VPS41: variants seen among roughly 807,000 people sequenced by gnomAD.
VPS41 encodes vacuolar protein sorting-associated protein 41 homolog.
A neutral mutation model predicts 130.9 loss-of-function variants in VPS41; 85 were observed. The observed-to-expected ratio is 0.65, with a 90% CI of 0.55 to 0.78. The LOEUF is 0.78. Among genes scored for constraint, VPS41 ranks in the 30% least tolerant of loss-of-function variants. The pLI is 0.00. For synonymous variants in VPS41, 335 were observed against 332.9 expected, an observed-to-expected ratio of 1.01 and a Z score of -0.07; for missense variants, 874 against 1,018.7, an observed-to-expected ratio of 0.86 and a Z score of 1.93.
At chr7:38,729,629 AAG>A (rs1285559003) in intron 25 of VPS41, among the ~76,000 whole-genome samples, 1 of 152,152 alleles carries the variant, frequency 6.6e-6, no homozygotes, top group Non-Finnish European at 1.5e-5. Context: ...GGAGAATGAC[AAG>A]AGACATCACA....
intron 25 of VPS41, among the ~76,000 whole-genome samples, chr7:38,736,602 C>G (rs2115594376): frequency 6.6e-6 from 1 of 152,352 alleles, no homozygotes; most frequent in Middle Eastern, 3.4e-3. Flanking sequence ...GAATGCATCT[C>G]CAGAGACCAA....
At chr7:38,784,983 A>C (rs1784414773) in intron 10 of VPS41, among the ~76,000 whole-genome samples, 1 of 152,250 alleles carries the variant, frequency 6.6e-6, no homozygotes, top group Admixed American at 6.5e-5. Context: ...TTCTTAAAGA[A>C]ACAAACAAAA....
intron 2 of VPS41, among the ~76,000 whole-genome samples, chr7:38,892,957 C>T (rs1238128524): frequency 2.0e-5 from 3 of 152,122 alleles, no homozygotes; most frequent in East Asian, 3.9e-4. Context: ...CCGCTACTGC[C>T]TTGCCCAGGC....
At chr7:38,808,753 C>T (rs1199917086) in intron 7 of VPS41, among the ~76,000 whole-genome samples, 2 of 152,154 alleles carry the variant, frequency 1.3e-5, no homozygotes, top group Non-Finnish European at 2.9e-5. Context: ...AGAGGAACTG[C>T]TAATGTCAAA....
chr7:38,727,412 A>G (rs1795568680), intron 27 of VPS41, among the ~76,000 whole-genome samples: 1 of 152,240 alleles, frequency 6.6e-6, no homozygotes. Flanking sequence ...TTACAAGCCC[A>G]GGCTGTGGTG....
chr7:38,789,871 G>A lies in VPS41; in HGVS notation c.718-4C>T, dbSNP rs1784505450. On this transcript the variant is annotated splice_polypyrimidine_tract_variant and splice_region_variant and intron_variant, in intron 9 of 28. Transcript: ENST00000310301. ...GCCGTTCCTTCACTGAGCACACCTG[G>A]AAAATAAGTTCGCAGGTTATTTTAT... 2 of 1,613,452 alleles carry A rather than the reference G, an allele frequency of 1.2e-6. No individual in the cohort carries two copies. The highest frequency in any genetic ancestry group is 1.3e-5 in the African/African-American group (1 of 74,974).
intron 1 of VPS41, among the ~76,000 whole-genome samples, chr7:38,905,780 G>T (rs1215876417): frequency 2.6e-5 from 4 of 151,970 alleles, no homozygotes; most frequent in African/African-American, 9.7e-5. Context: ...CTCCATTTTT[G>T]GGGGTTTTTT....
intron 14 of VPS41, among the ~76,000 whole-genome samples, chr7:38,768,968 T>G (rs1403579264): frequency 6.6e-6 from 1 of 150,458 alleles, no homozygotes. Flanking sequence ...TCTCTTCCCC[T>G]TCACAGCTAA....
intron 6 of VPS41, among the ~76,000 whole-genome samples, chr7:38,820,203 C>T (rs577923254): frequency 7.2e-5 from 11 of 152,270 alleles, no homozygotes; most frequent in South Asian, 4.1e-4. Context: ...ATCTTGAACA[C>T]TCACTATCAT....
At chr7:38,750,686 T>C (rs1562571167) in intron 22 of VPS41, among the ~76,000 whole-genome samples, 2 of 152,138 alleles carry the variant, frequency 1.3e-5, no homozygotes, top group African/African-American at 4.8e-5. Flanking sequence ...CAGGGTGTCT[T>C]CCACTGAGTA....
At chr7:38,738,154 A>G (rs891937475) in intron 25 of VPS41, among the ~76,000 whole-genome samples, 3 of 152,344 alleles carry the variant, frequency 2.0e-5, no homozygotes, top group East Asian at 1.9e-4. Context: ...GAAGCAAGTT[A>G]AACATGCTTG....
chr7:38,765,577 T>A lies in VPS41; in HGVS notation c.1329+3A>T, dbSNP rs1022922573. 1 of 1,570,230 alleles carries A rather than the reference T, an allele frequency of 6.4e-7. No individual in the cohort carries two copies. ...TGAGAGTTAAAAATAAGGCTTTGCT[T>A]ACCTTAAGCTGTCCAATTTCTTTAA... On this transcript the variant is annotated splice_donor_region_variant and intron_variant, in intron 16 of 28. Transcript: ENST00000310301.
intron 1 of VPS41, among the ~76,000 whole-genome samples, chr7:38,906,553 C>T (rs1040576074): frequency 2.6e-5 from 4 of 151,828 alleles, no homozygotes; most frequent in Admixed American, 6.6e-5. Context: ...TGCCCAGGCT[C>T]GTCTCGAACT....
chr7:38,738,999 T>A (rs1245724041), intron 25 of VPS41, among the ~76,000 whole-genome samples: 2 of 152,196 alleles, frequency 1.3e-5, no homozygotes, highest in East Asian at 3.9e-4. Flanking sequence ...TCATTTCAAG[T>A]TTTTCCCACA....
chr7:38,841,752 C>T (rs1011521487), intron 4 of VPS41, among the ~76,000 whole-genome samples: 2 of 152,200 alleles, frequency 1.3e-5, no homozygotes, highest in African/African-American at 4.8e-5. Flanking sequence ...TAGAGGCATG[C>T]GCCACCACAC....
chr7:38,808,884 T>C (rs1365373024), intron 7 of VPS41, among the ~76,000 whole-genome samples: 2 of 152,192 alleles, frequency 1.3e-5, no homozygotes, highest in Non-Finnish European at 2.9e-5. Context: ...CACCGGATTA[T>C]CTAGATTCTA....
chr7:38,830,262 C>G lies in VPS41; in HGVS notation c.313G>C (p.Asp105His). The G allele has an allele frequency of 6.2e-7, 1 of 1,611,424 alleles. No individual in the cohort carries two copies. Among genetic ancestry groups the G allele is most frequent in the Non-Finnish European group, 8.5e-7 (1 of 1,177,446 alleles). ...SGEHMGVCSE[D>H]GKVQVFGLYS... ...CCACATCTTTGCCATACCTTGCCAT[C>G]CTCTGAACACACACCCATGTGCTCT... Residue 105 changes from aspartate (D) to histidine (H), a missense_variant, in exon 5 of 29, where the codon GAT (aspartate) becomes CAT (histidine). Asp to His is a moderately conservative substitution (Grantham distance 81). Transcript: ENST00000310301.
chr7:38,901,252 G>C (rs1787132949), intron 1 of VPS41, among the ~76,000 whole-genome samples: 1 of 152,214 alleles, frequency 6.6e-6, no homozygotes, highest in Non-Finnish European at 1.5e-5. Flanking sequence ...TTCAGTTTGT[G>C]ATGATTAAAA....
chr7:38,790,833 AT>A (rs1174056228), intron 9 of VPS41, among the ~76,000 whole-genome samples: 1 of 152,098 alleles, frequency 6.6e-6, no homozygotes, highest in African/African-American at 2.4e-5. Flanking sequence ...TTGGGGGCAT[AT>A]TTTTTTGTTT....
Sources: allele counts gnomAD v4.1 joint callset (sites outside exome capture counted in the v4.1 genomes callset), GRCh38; gene constraint gnomAD v4.1.1; transcripts MANE v1.5; gene names NCBI Gene and HGNC (gene_info 2026-07-23, HGNC 2026-07-21).